Variants in USP39 observed in about 807,000 individuals in gnomAD.
USP39 encodes ubiquitin specific peptidase 39.
USP39 carries 38 observed loss-of-function variants against 66.4 expected under a neutral mutation model. That is an observed-to-expected ratio of 0.57 (90% CI 0.44 to 0.75). USP39 has a LOEUF of 0.75. USP39 is among the 30% of genes least tolerant of loss of function. USP39 has a pLI of 0.00. For synonymous variants in USP39, 303 were observed against 274.6 expected, an observed-to-expected ratio of 1.10 and a Z score of -1.02; for missense variants, 608 against 714.4, an observed-to-expected ratio of 0.85 and a Z score of 1.70.
At position 85,616,204 on chromosome 2, in the gene USP39, C is replaced by G. The variant is rs1673916264; in HGVS notation, c.9C>G (p.Gly3=). 4 of 1,452,540 alleles carry G rather than the reference C, an allele frequency of 2.8e-6. No homozygotes were observed. The highest frequency in any genetic ancestry group is 2.2e-4 in the Middle Eastern group (1 of 4,622). 90.0% of individuals were successfully genotyped at this position (1,452,540 alleles called of 1,614,324 possible). A position where few individuals can be genotyped will look rare whatever the true frequency, so the allele number is the denominator to read the frequency against. Residue 3 remains glycine (G), a synonymous_variant, in exon 1 of 13, where the codon GGC becomes GGG. Coordinates refer to ENST00000323701, the MANE Select transcript of USP39 (RefSeq NM_006590.4). ...CTCGGCCGGTAGTGGAGATGTCCGGCCGGTCTAAGCGGGAGTCTCGCGGTT... is the reference window on the plus strand; with the variant it reads ...CTCGGCCGGTAGTGGAGATGTCCGGGCGGTCTAAGCGGGAGTCTCGCGGTT... The part of the protein sequence containing the change: MS[G]RSKRESRGST...
rs1390676663 is a variant in USP39, at chr2:85,616,319, A to C, written c.124A>C (p.Ser42Arg). ...TCGGGAGCGGGAGCCTGAGGCGGCG[A>C]GCTCCCGGGGCAGCCCTGTGCGCGT... is the stretch of plus-strand genomic sequence containing the variant. ...RDREREPEAA[S>R]SRGSPVRVKR... Residue 42 changes from serine (S) to arginine (R), a missense_variant, in exon 1 of 13, where the codon AGC becomes CGC. Coordinates refer to ENST00000323701, the MANE Select transcript of USP39 (RefSeq NM_006590.4). The C allele has an allele frequency of 6.3e-6, 10 of 1,584,334 alleles. No individual in the cohort carries two copies. The highest frequency in any genetic ancestry group is 4.6e-5 in the East Asian group (2 of 43,370).
At chr2:85,634,202 T>C (rs115235685) in intron 6 of USP39, among the ~76,000 whole-genome samples, 15,046 of 151,886 alleles carry the variant, frequency 0.099, 832 homozygotes, top group South Asian at 0.18. Flanking sequence ...TGGTAAGGAA[T>C]GGGGCCCATG....
At chr2:85,637,642 G>T (rs1035709876) in intron 8 of USP39, among the ~76,000 whole-genome samples, 7 of 152,136 alleles carry the variant, frequency 4.6e-5, no homozygotes, top group Admixed American at 3.9e-4. Flanking sequence ...GTACTGTGCT[G>T]GTTTAAGTGT....
intron 1 of USP39, among the ~76,000 whole-genome samples, chr2:85,618,865 G>A (rs1394814911): frequency 6.6e-6 from 1 of 151,894 alleles, no homozygotes; most frequent in Non-Finnish European, 1.5e-5. Flanking sequence ...CTTCTCCCAG[G>A]TTCAAGCAAT....
chr2:85,628,372 C>G (rs759653701), intron 5 of USP39, among the ~76,000 whole-genome samples: 1 of 152,022 alleles, frequency 6.6e-6, no homozygotes, highest in African/African-American at 2.4e-5. Flanking sequence ...GTCTCGATCT[C>G]CTGACTTCGT....
Position 85,616,200 on chromosome 2 carries a change from C to T in USP39, c.5C>T (p.Ser2Phe), listed in dbSNP as rs368702825. Residue 2 changes from serine (S) to phenylalanine (F), a missense_variant, in exon 1 of 13, where the codon TCC (serine) becomes TTC (phenylalanine). Ser to Phe is a radical substitution (Grantham distance 155). Transcript: ENST00000323701. The stretch of plus-strand genomic sequence containing the variant: ...ACGACTCGGCCGGTAGTGGAGATGT[C>T]CGGCCGGTCTAAGCGGGAGTCTCGC... MSGRSKRESRGS... is the reference protein window; with the variant it reads MFGRSKRESRGS... The T allele has an allele frequency of 1.0e-5, 15 of 1,449,344 alleles. No homozygotes were observed. The highest frequency in any genetic ancestry group is 2.2e-4 in the Middle Eastern group (1 of 4,540). 89.8% of individuals were successfully genotyped at this position (1,449,344 alleles called of 1,614,324 possible).
At chr2:85,629,075 T>C (rs1423762429) in intron 5 of USP39, among the ~76,000 whole-genome samples, 5 of 152,244 alleles carry the variant, frequency 3.3e-5, no homozygotes, top group Middle Eastern at 6.8e-3. Flanking sequence ...TTTGTTTTGT[T>C]TTTTTGAGAT....
intron 6 of USP39, 139 bp downstream of exon 6, chr2:85,631,085 G>C (rs1675291071): frequency 9.2e-6 from 7 of 763,982 alleles, no homozygotes; most frequent in South Asian, 5.5e-5. Context: ...CATGGTCTCA[G>C]CTCACTGCAA....
intron 10 of USP39, among the ~76,000 whole-genome samples, chr2:85,641,768 G>A (rs1435110745): frequency 6.6e-6 from 1 of 151,982 alleles, no homozygotes; most frequent in Admixed American, 6.6e-5. Context: ...GCCAGATGTG[G>A]TGGTGCACAC....
chr2:85,638,754 C>A (rs1573440062), intron 8 of USP39, among the ~76,000 whole-genome samples: 1 of 151,904 alleles, frequency 6.6e-6, no homozygotes, highest in African/African-American at 2.4e-5. Flanking sequence ...TCACGTTGGT[C>A]TTGGACTCCT....
chr2:85,645,701 T>C (rs1409731778), intron 11 of USP39: 1 of 152,290 alleles, frequency 6.6e-6, no homozygotes, highest in Non-Finnish European at 1.5e-5. Context: ...ACAGCCCGTG[T>C]TACAAAGAAT....
At chr2:85,619,669 T>A (rs1674297504) in intron 2 of USP39, among the ~76,000 whole-genome samples, 6 of 151,808 alleles carry the variant, frequency 4.0e-5, no homozygotes, top group Admixed American at 1.3e-4. Flanking sequence ...TTCTTTTCTC[T>A]GATTCCCAGG....
At chr2:85,613,703 GATC>G (rs909864271), upstream of USP39, among the ~76,000 whole-genome samples, 10 of 139,950 alleles carry the variant, frequency 7.1e-5, no homozygotes, top group African/African-American at 2.4e-4. Flanking sequence ...GTGACCGAGA[GATC>G]AGTTGATTTT....
At chr2:85,608,613 G>A (rs544608650), upstream of USP39, 95 of 202,628 alleles carry the variant, frequency 4.7e-4, no homozygotes, top group African/African-American at 2.1e-3. Context: ...TGACCTCGGT[G>A]AGAAAGCACC....
At chr2:85,619,023 G>A (rs544059067) in intron 1 of USP39, among the ~76,000 whole-genome samples, 197 bp from the exon 2 acceptor site, 1 of 152,138 alleles carries the variant, frequency 6.6e-6, no homozygotes, top group Admixed American at 6.6e-5. Context: ...CACCCATCTC[G>A]GTTTCCCAAA....
chr2:85,627,653 G>C (rs1674978424), intron 5 of USP39, among the ~76,000 whole-genome samples: 1 of 151,876 alleles, frequency 6.6e-6, no homozygotes, highest in South Asian at 2.1e-4. Flanking sequence ...AAATTAGCTG[G>C]GCACAGTGGT....
upstream of USP39, chr2:85,616,085 G>C: frequency 7.6e-7 from 1 of 1,313,808 alleles, no homozygotes; most frequent in East Asian, 3.0e-5. Flanking sequence ...GTCCCCAGTG[G>C]CGACTCGTAG....
chr2:85,632,448 C>CTTTT (rs59457171), intron 6 of USP39, among the ~76,000 whole-genome samples: 4 of 136,046 alleles, frequency 2.9e-5, no homozygotes, highest in African/African-American at 5.5e-5. Context: ...TTTCAACTAT[C>CTTTT]TTTTTTTTTT....
upstream of USP39, chr2:85,609,477 G>A (rs767998112): frequency 6.8e-5 from 109 of 1,614,094 alleles, no homozygotes; most frequent in East Asian, 2.2e-4. Flanking sequence ...TGTCTGCCTC[G>A]TATTCTAAGC....
Sources: allele counts gnomAD v4.1 joint callset (sites outside exome capture counted in the v4.1 genomes callset), GRCh38; gene constraint gnomAD v4.1.1; transcripts MANE v1.5; gene names NCBI Gene and HGNC (gene_info 2026-07-23, HGNC 2026-07-21).